Variants in TAFA5 observed in about 807,000 individuals in gnomAD.
TAFA5 encodes chemokine-like protein TAFA-5.
Under a neutral mutation model 15.3 loss-of-function variants are expected in TAFA5, and 6 were observed. The observed-to-expected ratio is 0.39, with a 90% confidence interval of 0.21 to 0.77. The LOEUF is 0.77. Among genes scored for constraint, TAFA5 ranks in the 30% least tolerant of loss-of-function variants. TAFA5 has a pLI of 0.41. For missense variants in TAFA5, 161 were observed against 193.1 expected (o/e 0.83, Z 0.98); for synonymous variants, 103 against 80.7 (o/e 1.28, Z -1.48).
At chr22:48,543,041 C>T (rs1031719938) in intron 1 of TAFA5, among the ~76,000 whole-genome samples, 1 of 151,874 alleles carries the variant, frequency 6.6e-6, no homozygotes, top group South Asian at 2.1e-4. Flanking sequence ...AGTGGGACCC[C>T]GATCTGGCAG....
At chr22:48,719,364 G>A (rs944353109) in intron 3 of TAFA5, among the ~76,000 whole-genome samples, 30 of 152,366 alleles carry the variant, frequency 2.0e-4, no homozygotes, top group South Asian at 6.2e-4. Flanking sequence ...CTCCAAGTCC[G>A]TCTGGAGTGT....
At chr22:48,669,963 G>A (rs1927749124) in intron 2 of TAFA5, among the ~76,000 whole-genome samples, 2 of 152,196 alleles carry the variant, frequency 1.3e-5, no homozygotes, top group African/African-American at 4.8e-5. Flanking sequence ...TAAACAAACT[G>A]TGACCTCTCC....
At position 48,598,910 on chromosome 22, in the gene TAFA5, C is replaced by T. The variant is rs144565104; in HGVS notation, c.113-47687C>T. Among the ~76,000 whole-genome samples the T allele has an allele frequency of 2.0e-5, 3 of 152,212 alleles. No homozygotes were observed. Among genetic ancestry groups the T allele is most frequent in the African/African-American group, 4.8e-5 (2 of 41,544 alleles). Reference sequence around the variant, plus strand: ...CCCTCTCCTGGCATTCCGTCATTTGCGAGAATGGCCCACAATCCTCAGGAA... The same window carrying T: ...CCCTCTCCTGGCATTCCGTCATTTGTGAGAATGGCCCACAATCCTCAGGAA... On this transcript the variant is annotated intron_variant, in intron 1 of 3. Transcript: ENST00000402357. The surrounding 1 kb of genome is among the most constrained non-coding windows in gnomAD (Gnocchi z 4.0).
intron 1 of TAFA5, among the ~76,000 whole-genome samples, chr22:48,621,624 G>A (rs185999492): frequency 1.3e-5 from 2 of 152,348 alleles, no homozygotes; most frequent in Non-Finnish European, 2.9e-5. Flanking sequence ...GCTCCACTGA[G>A]TCCGGCTGTG....
intron 2 of TAFA5, among the ~76,000 whole-genome samples, chr22:48,694,499 C>T (rs1033144601): frequency 3.3e-5 from 5 of 152,118 alleles, no homozygotes; most frequent in South Asian, 2.1e-4. Flanking sequence ...GAAACACGGG[C>T]GCTTCCCAGC....
rs1203635397 is a variant in TAFA5 at position 48,751,714 on chromosome 22, T to C, written c.*1867T>C. 6.6e-6 allele frequency: 1 copy of C among 152,348 alleles called. No homozygotes were observed. The highest frequency in any genetic ancestry group is 6.5e-5 in the Admixed American group (1 of 15,288). The allele number at this position is 152,348 out of a possible 1,614,324, so 9.4% of individuals were successfully genotyped here. The stretch of plus-strand genomic sequence containing the variant: ...GGCCTGGAAAGGGTCCTTCCCAAGC[T>C]GCCCCGGCTCCGGCGGCCCGGGCCG... On this transcript the variant is annotated 3_prime_UTR_variant, in exon 4 of 4. Coordinates refer to ENST00000402357, the MANE Select transcript of TAFA5 (RefSeq NM_001082967.3).
chr22:48,637,760 C>T (rs1926502573), intron 1 of TAFA5, among the ~76,000 whole-genome samples: 1 of 152,048 alleles, frequency 6.6e-6, no homozygotes, highest in African/African-American at 2.4e-5. Context: ...TCTGTCCAGC[C>T]CAAACCATCG....
At chr22:48,664,791 A>T (rs1458958784) in intron 2 of TAFA5, among the ~76,000 whole-genome samples, 1 of 152,078 alleles carries the variant, frequency 6.6e-6, no homozygotes, top group African/African-American at 2.4e-5. Flanking sequence ...TGATACTCTC[A>T]TTGCTGTATA....
chr22:48,500,979 A>T (rs1035767510), intron 1 of TAFA5, among the ~76,000 whole-genome samples: 1 of 152,026 alleles, frequency 6.6e-6, no homozygotes, highest in African/African-American at 2.4e-5. Flanking sequence ...CTGACTGCCC[A>T]AGGCCCCTTC....
chr22:48,516,231 T>G (rs1921401804), intron 1 of TAFA5, among the ~76,000 whole-genome samples: 1 of 152,172 alleles, frequency 6.6e-6, no homozygotes, highest in African/African-American at 2.4e-5. Context: ...TTTAAGTTGA[T>G]CAGAATTAGG....
chr22:48,585,423 AACACATCAC>A (rs1924312817), intron 1 of TAFA5, among the ~76,000 whole-genome samples: 1 of 149,768 alleles, frequency 6.7e-6, no homozygotes, highest in Non-Finnish European at 1.5e-5. Flanking sequence ...ACACACACAC[AACACATCAC>A]ACACATGCCA....
At chr22:48,542,993 G>A (rs1322288017) in intron 1 of TAFA5, among the ~76,000 whole-genome samples, 1 of 151,816 alleles carries the variant, frequency 6.6e-6, no homozygotes, top group Admixed American at 6.6e-5. Context: ...TGTGTATGGT[G>A]TGTAGTGTGT....
intron 1 of TAFA5, among the ~76,000 whole-genome samples, chr22:48,507,218 T>A (rs528983291): frequency 9.1e-4 from 104 of 114,468 alleles, no homozygotes; most frequent in Non-Finnish European, 1.2e-3. Context: ...GGTGTGCAGT[T>A]GGAGGAGAAG....
intron 1 of TAFA5, among the ~76,000 whole-genome samples, chr22:48,549,000 G>T (rs1010542147): frequency 6.6e-6 from 1 of 152,214 alleles, no homozygotes; most frequent in East Asian, 1.9e-4. Context: ...TCTTTATAGC[G>T]ATCAGATTGA....
chr22:48,491,910 G>A (rs1176445465), intron 1 of TAFA5, among the ~76,000 whole-genome samples: 2 of 152,222 alleles, frequency 1.3e-5, no homozygotes, highest in Non-Finnish European at 1.5e-5. Context: ...TTGGTAAGAA[G>A]GTCTTACCAG....
chr22:48,657,598 A>G (rs551469197), intron 2 of TAFA5, among the ~76,000 whole-genome samples: 1 of 152,376 alleles, frequency 6.6e-6, no homozygotes, highest in South Asian at 2.1e-4. Flanking sequence ...GGATACGGAC[A>G]TAGATGTCAC....
chr22:48,591,375 C>T (rs565416522), intron 1 of TAFA5, among the ~76,000 whole-genome samples: 1 of 152,334 alleles, frequency 6.6e-6, no homozygotes, highest in Admixed American at 6.5e-5. Flanking sequence ...GTTCCCGTCG[C>T]AAGCCACCCC....
At chr22:48,721,996 A>G (rs564091417) in intron 3 of TAFA5, among the ~76,000 whole-genome samples, 1 of 152,016 alleles carries the variant, frequency 6.6e-6, no homozygotes, top group South Asian at 2.1e-4. Context: ...AATTTAATAA[A>G]CATACGTGTG....
chr22:48,575,317 C>T (rs901591626), intron 1 of TAFA5, among the ~76,000 whole-genome samples: 1 of 151,384 alleles, frequency 6.6e-6, no homozygotes, highest in African/African-American at 2.4e-5. Flanking sequence ...GGCGGGGGCG[C>T]TGCAGGGCGG....
Sources: allele counts gnomAD v4.1 joint callset (sites outside exome capture counted in the v4.1 genomes callset), GRCh38; gene constraint gnomAD v4.1.1; non-coding constraint Gnocchi (gnomAD v3.1); transcripts MANE v1.5; gene names NCBI Gene and HGNC (gene_info 2026-07-23, HGNC 2026-07-21).